The following DNAI3 variants were observed in gnomAD, a reference collection of about 807,000 sequenced individuals.
DNAI3 encodes the protein WD repeat domain 63.
In DNAI3, 83 loss-of-function variants were observed where a neutral mutation model predicts 115.5. The observed-to-expected ratio is 0.72, with a 90% CI of 0.60 to 0.86. DNAI3 has a LOEUF of 0.86. Among genes scored for constraint, DNAI3 ranks in the 40% least tolerant of loss-of-function variants. The pLI, the probability that DNAI3 is intolerant of heterozygous loss-of-function variation, is 0.00. For missense variants in DNAI3, 1,004 were observed against 1,075.8 expected (o/e 0.93, Z 0.93); for synonymous variants, 320 against 347.0 (o/e 0.92, Z 0.86).
chr1:85,131,444 CAAAAAAA>C (rs750127280), intron 22 of DNAI3, among the ~76,000 whole-genome samples: 6 of 16,856 alleles, frequency 3.6e-4, no homozygotes, highest in Admixed American at 7.0e-4. Flanking sequence ...AACTCCATCT[CAAAAAAA>C]AAAAAAAAAA....
chr1:85,065,200 G>T (rs1449526206), intron 1 of DNAI3, among the ~76,000 whole-genome samples: 1 of 151,988 alleles, frequency 6.6e-6, no homozygotes, highest in Non-Finnish European at 1.5e-5. Context: ...AAGAGAAGGT[G>T]CCAGTGCTAC....
Position 85,104,397 on chromosome 1 carries a change from A to G in DNAI3, c.1480-127A>G, listed in dbSNP as rs555997948. The stretch of plus-strand genomic sequence containing the variant: ...CAGCCTATCAGAATGCTGGGATTAC[A>G]GGCGTGAGCCACTGCCCCCGGCCGG... On this transcript the variant is annotated intron_variant, in intron 13 of 22. Transcript: ENST00000294664. 5 of 692,860 alleles carry G rather than the reference A, an allele frequency of 7.2e-6. No individual in the cohort carries two copies. The East Asian group carries it at 1.2e-4, about 16-fold the overall frequency. 42.9% of individuals were successfully genotyped at this position (692,860 alleles called of 1,614,324 possible).
chr1:85,065,969 A>G (rs1654084481), intron 1 of DNAI3, among the ~76,000 whole-genome samples: 1 of 152,202 alleles, frequency 6.6e-6, no homozygotes, highest in Non-Finnish European at 1.5e-5. Flanking sequence ...CAAGTGGTGC[A>G]CCATCACAGG....
intron 3 of DNAI3, among the ~76,000 whole-genome samples, chr1:85,076,879 C>T (rs908401377): frequency 2.0e-5 from 3 of 152,096 alleles, no homozygotes; most frequent in Non-Finnish European, 2.9e-5. Context: ...ATTAGGCAGA[C>T]CTGGTTTAAG....
chr1:85,132,868 A>T lies in DNAI3; in HGVS notation c.2546A>T (p.Lys849Met). Residue 849 changes from lysine to methionine, a missense_variant, in exon 23 of 23, where the codon AAG becomes ATG. Lys to Met is a moderately conservative substitution (Grantham distance 95). Coordinates refer to ENST00000294664, the MANE Select transcript of DNAI3 (RefSeq NM_145172.5). ...TTCCCCCCCCAGAAAACATATCAGA[A>T]GTCAAAAGAACAAATGCAGGCTGAA... Reference protein sequence around the residue: ...MAKKKVKTYQKSKEQMQAELK... With the variant: ...MAKKKVKTYQMSKEQMQAELK... 1 of 1,613,550 alleles carries T rather than the reference A, an allele frequency of 6.2e-7. No individual in the cohort carries two copies. The highest frequency in any genetic ancestry group is 2.2e-5 in the East Asian group (1 of 44,854).
At chr1:85,083,878 A>G (rs981001039) in intron 5 of DNAI3, among the ~76,000 whole-genome samples, 5 of 152,028 alleles carry the variant, frequency 3.3e-5, no homozygotes, top group African/African-American at 4.8e-5. Context: ...TTTATGTTCT[A>G]CAATAATGGA....
intron 17 of DNAI3, among the ~76,000 whole-genome samples, chr1:85,120,398 A>C (rs137973105): frequency 2.0e-5 from 3 of 152,342 alleles, no homozygotes; most frequent in South Asian, 4.1e-4. Flanking sequence ...GAATGTCAAC[A>C]CAGGGGTCAG....
chr1:85,073,204 G>A (rs1296744725), intron 3 of DNAI3, 112 bp downstream of exon 3: 5 of 693,832 alleles, frequency 7.2e-6, no homozygotes, highest in Non-Finnish European at 8.8e-6. Flanking sequence ...ATGTACATGG[G>A]CTAAAATTAT....
At chr1:85,116,256 C>T (rs930176559) in intron 16 of DNAI3, among the ~76,000 whole-genome samples, 1 of 152,186 alleles carries the variant, frequency 6.6e-6, no homozygotes, top group African/African-American at 2.4e-5. Context: ...GTCAATGTGT[C>T]CAGAACAGGA....
intron 22 of DNAI3, 41 bp from the exon 23 acceptor site, chr1:85,132,814 C>T: frequency 6.3e-7 from 1 of 1,588,546 alleles, no homozygotes; most frequent in Non-Finnish European, 8.5e-7. Flanking sequence ...TTTTAGATAT[C>T]AGTGTTTTAT....
At chr1:85,121,195 A>G (rs1413155588) in intron 17 of DNAI3, among the ~76,000 whole-genome samples, 1 of 152,088 alleles carries the variant, frequency 6.6e-6, no homozygotes, top group African/African-American at 2.4e-5. Context: ...CTCTTCTTAC[A>G]TCAGGTCCAT....
intron 22 of DNAI3, 124 bp downstream of exon 22, chr1:85,130,236 G>T (rs956256483): frequency 8.1e-6 from 11 of 1,352,196 alleles, no homozygotes; most frequent in Non-Finnish European, 1.0e-6. Context: ...TTGTTCTCAT[G>T]AGAGTCAAGA....
At chr1:85,110,205 A>G (rs1455283463) in intron 16 of DNAI3, 70 bp downstream of exon 16, 9 of 1,400,148 alleles carry the variant, frequency 6.4e-6, no homozygotes, top group Non-Finnish European at 8.9e-6. Flanking sequence ...TAATCCCAGC[A>G]CTTCGGGAGG....
At chr1:85,089,607 G>A (rs772419341) in intron 7 of DNAI3, among the ~76,000 whole-genome samples, 11 of 151,568 alleles carry the variant, frequency 7.3e-5, no homozygotes, top group Non-Finnish European at 1.6e-4. Flanking sequence ...TTGAGGGAAG[G>A]CTGTCTTGTG....
chr1:85,119,388 G>A (rs980081214), intron 17 of DNAI3, among the ~76,000 whole-genome samples: 5 of 152,104 alleles, frequency 3.3e-5, no homozygotes, highest in South Asian at 2.1e-4. Context: ...CTGTATCTAC[G>A]AATGTGACTA....
intron 7 of DNAI3, 24 bp downstream of exon 7, chr1:85,086,054 A>C: frequency 6.2e-7 from 1 of 1,603,032 alleles, no homozygotes. Context: ...GGGTGTATGT[A>C]ATTTTATAGC....
intron 5 of DNAI3, among the ~76,000 whole-genome samples, chr1:85,083,478 C>T (rs1654690836): frequency 6.6e-6 from 1 of 151,696 alleles, no homozygotes; most frequent in Non-Finnish European, 1.5e-5. Context: ...CAGAGTGAGA[C>T]CCTGTCTCAA....
In DNAI3 at chr1:85,129,993, G is replaced by A; in HGVS notation, c.2413G>A (p.Ala805Thr). The A allele has an allele frequency of 1.9e-6, 3 of 1,611,530 alleles. No homozygotes were observed. The highest frequency in any genetic ancestry group is 2.5e-6 in the Non-Finnish European group (3 of 1,179,012). The change falls in exon 22 of 23, where the codon GCA (alanine) becomes ACA (threonine). Residue 805 changes from alanine (A) to threonine (T), a missense_variant. By Grantham distance (58) the Ala-to-Thr change is moderately conservative. Around this residue, in one of 3 missense-constraint regions of DNAI3, gnomAD observed 429 missense variants for 454.3 expected, o/e 0.94. Transcript: ENST00000294664. Reference sequence around the variant, plus strand: ...CATGGACTTCTGTTTCTAACAGATGGCAAGTGTCAACCACTATTTTGAAAG... The same window carrying A: ...CATGGACTTCTGTTTCTAACAGATGACAAGTGTCAACCACTATTTTGAAAG... ...TLSRPSTNEM[A>T]SVNHYFEREV...
chr1:85,089,574 C>T (rs1197873024), intron 7 of DNAI3, among the ~76,000 whole-genome samples: 1 of 151,106 alleles, frequency 6.6e-6, no homozygotes, highest in East Asian at 1.9e-4. Flanking sequence ...AACAAATTGA[C>T]ATTTGGGGCT....
Sources: gnomAD v4.1 joint callset for allele counts (sites outside exome capture counted in the v4.1 genomes callset) on GRCh38, gnomAD v4.1.1 for gene constraint, gnomAD v4.1.1 regional missense constraint, MANE v1.5 for transcripts, NCBI Gene and HGNC (gene_info 2026-07-23, HGNC 2026-07-21) for gene names.